Variants in IGSF3 observed in about 807,000 individuals in gnomAD.
IGSF3 encodes the protein immunoglobulin superfamily member 3.
A neutral mutation model predicts 114.4 loss-of-function variants in IGSF3; 23 were observed. The observed-to-expected ratio is 0.20, with a 90% CI of 0.14 to 0.28. IGSF3 has a LOEUF of 0.28. Among genes scored for constraint, IGSF3 ranks in the 10% least tolerant of loss-of-function variants. IGSF3 has a pLI of 1.00. For synonymous variants in IGSF3, 571 were observed against 645.2 expected (o/e 0.88, Z 1.74); for missense variants, 1,172 against 1,591.5 (o/e 0.74, Z 4.48).
rs570818692 is a variant in IGSF3 at position 116,600,253 on chromosome 1, G to A, written c.1717C>T (p.Pro573Ser). ...GTCACCGACACGGGGACCCAGGCAG[G>A]GTAGTGGGGTTTGATGATACACTGC... ...DLQCIIKPHY[P>S]AWVPVSVTWR... is the part of the protein sequence containing the mutation. The change falls in exon 7 of 11, where the codon CCT (proline) becomes TCT (serine). Residue 573 changes from proline to serine, a missense_variant. Around this residue, in one of 3 missense-constraint regions of IGSF3, gnomAD observed 736 missense variants for 1,042.0 expected, o/e 0.71. Transcript: ENST00000369486. This position sits in a 1 kb window ranked among gnomAD's most constrained non-coding sequence, Gnocchi z 5.5. The A allele has an allele frequency of 2.0e-5, 32 of 1,614,174 alleles. No individual in the cohort carries two copies. The South Asian group carries it at 3.5e-4, about 18-fold the overall frequency.
intron 2 of IGSF3, chr1:116,617,196 C>A (rs1205643579): frequency 1.5e-6 from 1 of 676,998 alleles, no homozygotes; most frequent in African/African-American, 2.0e-5. Context: ...TCAGGCTACC[C>A]TTGAGTTTCC....
rs1240826587 is a variant in IGSF3, at chr1:116,661,275, A to G, written c.43+5009T>C. Among the ~76,000 whole-genome samples, 1 of 152,014 alleles carries G rather than the reference A, an allele frequency of 6.6e-6. No homozygotes were observed. Among genetic ancestry groups the G allele is most frequent in the Non-Finnish European group, 1.5e-5 (1 of 68,036 alleles). On this transcript the variant is annotated intron_variant, in intron 2 of 10. Coordinates refer to ENST00000369486, the MANE Select transcript of IGSF3 (RefSeq NM_001007237.3). The surrounding 1 kb of genome is among the most constrained non-coding windows in gnomAD (Gnocchi z 4.0). ...GCCACTGCACTCCAGCCTGAGCAAC[A>G]GTGTGAGACTCCATCTCAAAAAAAA...
intron 2 of IGSF3, among the ~76,000 whole-genome samples, chr1:116,652,007 C>T (rs1018652868): frequency 6.6e-6 from 1 of 152,166 alleles, no homozygotes; most frequent in African/African-American, 2.4e-5. Flanking sequence ...AGTGTTACAA[C>T]AGACAATTGC....
rs1659382522 is a variant in IGSF3, at chr1:116,577,194, G to C, written c.*118C>G. 1.7e-6 allele frequency: 2 copies of C among 1,166,860 alleles called. No homozygotes were observed. The highest frequency in any genetic ancestry group is 2.4e-6 in the Non-Finnish European group (2 of 836,396). The allele number at this position is 1,166,860 out of a possible 1,614,324, so 72.3% of individuals were successfully genotyped here. ...ACTGGGAACTTGGAACACTTTTCAA[G>C]TCTGACAACTTTCCACACACATGCA... is the stretch of plus-strand genomic sequence containing the variant. On this transcript the variant is annotated 3_prime_UTR_variant, in exon 11 of 11. Coordinates refer to ENST00000369486, the MANE Select transcript of IGSF3 (RefSeq NM_001007237.3). The surrounding 1 kb of genome is among the most constrained non-coding windows in gnomAD (Gnocchi z 5.7).
rs1649118698 is a variant in IGSF3 at position 116,661,556 on chromosome 1, C to T, written c.43+4728G>A. On this transcript the variant is annotated intron_variant, in intron 2 of 10. Transcript: ENST00000369486. The surrounding 1 kb of genome is among the most constrained non-coding windows in gnomAD (Gnocchi z 4.0). ...CAAACGTTGGTTCATCTAACTCATG[C>T]CTTCCTAACAAGCCTTCTTAGAAGC... Among the ~76,000 whole-genome samples, 1 of 152,210 alleles carries T rather than the reference C, an allele frequency of 6.6e-6. No individual in the cohort carries two copies. The highest frequency in any genetic ancestry group is 1.5e-5 in the Non-Finnish European group (1 of 68,036).
rs1486676520 is a variant in IGSF3 at position 116,662,074 on chromosome 1, C to A, written c.43+4210G>T. Among the ~76,000 whole-genome samples the A allele has an allele frequency of 6.6e-6, 1 of 151,724 alleles. No individual in the cohort carries two copies. Among genetic ancestry groups the A allele is most frequent in the Non-Finnish European group, 1.5e-5 (1 of 67,924 alleles). On this transcript the variant is annotated intron_variant, in intron 2 of 10. Transcript: ENST00000369486. This position sits in a 1 kb window ranked among gnomAD's most constrained non-coding sequence, Gnocchi z 4.3. ...TCAGCAATCTATCTTAGGCAAGTGACTCTTTTTTTTTTTTTGAGACAGAGT... is the reference window on the plus strand; with the variant it reads ...TCAGCAATCTATCTTAGGCAAGTGAATCTTTTTTTTTTTTTGAGACAGAGT...
Position 116,624,959 on chromosome 1 carries a change from C to A in IGSF3, c.44-8502G>T, listed in dbSNP as rs182143611. On this transcript the variant is annotated intron_variant, in intron 2 of 10. Coordinates refer to ENST00000369486, the MANE Select transcript of IGSF3 (RefSeq NM_001007237.3). The surrounding 1 kb of genome is among the most constrained non-coding windows in gnomAD (Gnocchi z 4.9). ...ACCTGCCACCATGTGAGTGAACAAG[C>A]CTCCACTGTGAGCTGCCCCCAGCCT... Among the ~76,000 whole-genome samples the A allele has an allele frequency of 4.9e-4, 74 of 152,344 alleles. 1 individual carries two copies. Among genetic ancestry groups the A allele is most frequent in the African/African-American group, 1.7e-3 (69 of 41,578 alleles).
In IGSF3 at chr1:116,592,842, G is replaced by A. The variant is rs1398220285; in HGVS notation, c.2030-3738C>T. Reference sequence around the variant, plus strand: ...TCATTGTTAAACTAATCAATGAATGGTTGAATAAATGTGGTTACTTTTCAA... The same window carrying A: ...TCATTGTTAAACTAATCAATGAATGATTGAATAAATGTGGTTACTTTTCAA... On this transcript the variant is annotated intron_variant, in intron 7 of 10. Transcript: ENST00000369486. This position sits in a 1 kb window ranked among gnomAD's most constrained non-coding sequence, Gnocchi z 4.5. Among the ~76,000 whole-genome samples, 1 of 152,190 alleles carries A rather than the reference G, an allele frequency of 6.6e-6. No homozygotes were observed. Among genetic ancestry groups the A allele is most frequent in the African/African-American group, 2.4e-5 (1 of 41,436 alleles).
intron 5 of IGSF3, among the ~76,000 whole-genome samples, chr1:116,604,974 A>T (rs1165421538): frequency 6.6e-6 from 1 of 152,208 alleles, no homozygotes; most frequent in Non-Finnish European, 1.5e-5. Flanking sequence ...TAGGTTTTCA[A>T]AAACTGGTCA....
At chr1:116,617,199 G>C (rs1661255178) in intron 2 of IGSF3, 1 of 701,002 alleles carries the variant, frequency 1.4e-6, no homozygotes, top group Non-Finnish European at 1.8e-6. Flanking sequence ...GGCTACCCTT[G>C]AGTTTCCCAC....
chr1:116,639,922 T>G (rs545896117), intron 2 of IGSF3, among the ~76,000 whole-genome samples: 1 of 151,240 alleles, frequency 6.6e-6, no homozygotes, highest in Non-Finnish European at 1.5e-5. Flanking sequence ...TAACCCCAGC[T>G]ACTCAGGAGG....
rs989300899 is a variant in IGSF3, at chr1:116,583,521, C to G, written c.2848+1124G>C. Among the ~76,000 whole-genome samples, 1 of 152,168 alleles carries G rather than the reference C, an allele frequency of 6.6e-6. No individual in the cohort carries two copies. The highest frequency in any genetic ancestry group is 2.4e-5 in the African/African-American group (1 of 41,438). On this transcript the variant is annotated intron_variant, in intron 9 of 10. Coordinates refer to ENST00000369486, the MANE Select transcript of IGSF3 (RefSeq NM_001007237.3). The surrounding 1 kb of genome is among the most constrained non-coding windows in gnomAD (Gnocchi z 4.5). ...ATGACATAAGAGACCTGGCACCACC[C>G]TGGAGATGCAATATTCCACCAACGA...
Position 116,641,173 on chromosome 1 carries a change from C to T in IGSF3, c.44-24716G>A, listed in dbSNP as rs575825934. On this transcript the variant is annotated intron_variant, in intron 2 of 10. Coordinates refer to ENST00000369486, the MANE Select transcript of IGSF3 (RefSeq NM_001007237.3). Reference sequence around the variant, plus strand: ...GTTAATTATCCTGTTCTCTCCACTTCGGTACATATTTGAAACTTTTCACAA... The same window carrying T: ...GTTAATTATCCTGTTCTCTCCACTTTGGTACATATTTGAAACTTTTCACAA... 8.6e-4 allele frequency among the ~76,000 whole-genome samples: 131 copies of T among 152,158 alleles called. No homozygotes were observed. The South Asian group carries it at 0.012, about 14-fold the overall frequency.
rs1279387258 is a variant in IGSF3 at position 116,665,268 on chromosome 1, C to T, written c.43+1016G>A. On this transcript the variant is annotated intron_variant, in intron 2 of 10. Transcript: ENST00000369486. The surrounding 1 kb of genome is among the most constrained non-coding windows in gnomAD (Gnocchi z 4.0). ...GCAATCTCCACTGCCAACAGATCAC[C>T]CTAAGTTCCCTACGTGCAAGACACC... Among the ~76,000 whole-genome samples the T allele has an allele frequency of 1.3e-5, 2 of 152,114 alleles. No homozygotes were observed. Among genetic ancestry groups the T allele is most frequent in the Admixed American group, 1.3e-4 (2 of 15,270 alleles).
chr1:116,658,846 C>G (rs1648991515), intron 2 of IGSF3, among the ~76,000 whole-genome samples: 1 of 152,206 alleles, frequency 6.6e-6, no homozygotes, highest in Non-Finnish European at 1.5e-5. Context: ...CACATCCTGT[C>G]AGTGTCCTCC....
At position 116,594,225 on chromosome 1, in the gene IGSF3, TA is replaced by T. The variant is rs1660245188; in HGVS notation, c.2030-5122del. 1.3e-5 allele frequency among the ~76,000 whole-genome samples: 2 copies of T among 152,190 alleles called. No homozygotes were observed. Among genetic ancestry groups the T allele is most frequent in the Admixed American group, 1.3e-4 (2 of 15,278 alleles). ...TTGACTGTGACTGTGCCTCCTAGCA[TA>T]GCTGTCCTGAGCATTTACGCACTGA... On this transcript the variant is annotated intron_variant, in intron 7 of 10. Coordinates refer to ENST00000369486, the MANE Select transcript of IGSF3 (RefSeq NM_001007237.3). The surrounding 1 kb of genome is among the most constrained non-coding windows in gnomAD (Gnocchi z 5.2).
Position 116,593,080 on chromosome 1 carries a change from C to T in IGSF3, c.2030-3976G>A, listed in dbSNP as rs1284592351. On this transcript the variant is annotated intron_variant, in intron 7 of 10. Coordinates refer to ENST00000369486, the MANE Select transcript of IGSF3 (RefSeq NM_001007237.3). The surrounding 1 kb of genome is among the most constrained non-coding windows in gnomAD (Gnocchi z 4.5). ...TGGATGAGGTTAGAAAGGTAAGCTT[C>T]GGCCACACTGCAAGGGGCCTGCAGC... Among the ~76,000 whole-genome samples, 6 of 152,160 alleles carry T rather than the reference C, an allele frequency of 3.9e-5. No individual in the cohort carries two copies. Among genetic ancestry groups the T allele is most frequent in the South Asian group, 4.1e-4 (2 of 4,830 alleles).
chr1:116,588,316 G>C lies in IGSF3; in HGVS notation c.2440+378C>G, dbSNP rs529606210. Reference sequence around the variant, plus strand: ...AAACCAGAAAATGCCTTCTAGGTAGGAACTCTGGGTGTGGAGCTGGTGTCA... The same window carrying C: ...AAACCAGAAAATGCCTTCTAGGTAGCAACTCTGGGTGTGGAGCTGGTGTCA... On this transcript the variant is annotated intron_variant, in intron 8 of 10. Transcript: ENST00000369486. The surrounding 1 kb of genome is among the most constrained non-coding windows in gnomAD (Gnocchi z 4.9). Among the ~76,000 whole-genome samples the C allele has an allele frequency of 6.6e-6, 1 of 152,296 alleles. No individual in the cohort carries two copies. The highest frequency in any genetic ancestry group is 2.1e-4 in the South Asian group (1 of 4,812).
chr1:116,613,778 G>A lies in IGSF3; in HGVS notation c.819C>T (p.Asn273=), dbSNP rs147777098. 1.2e-5 allele frequency: 20 copies of A among 1,613,346 alleles called. No individual in the cohort carries two copies. The highest frequency in any genetic ancestry group is 5.5e-5 in the South Asian group (5 of 91,076). The change falls in exon 4 of 11, where the codon AAC becomes AAT. Residue 273 remains asparagine, a synonymous_variant. Coordinates refer to ENST00000369486, the MANE Select transcript of IGSF3 (RefSeq NM_001007237.3). ...AGAGGGACTGACCAGTTGGCTGGAC[G>A]TTGACCACGGCTCCCTCGGAACGCT... ...TRKRSEGAVV[N]VQPTDKEFTV...
Sources: allele counts gnomAD v4.1 joint callset (sites outside exome capture counted in the v4.1 genomes callset), GRCh38; gene constraint gnomAD v4.1.1; regional missense constraint gnomAD v4.1.1; non-coding constraint Gnocchi (gnomAD v3.1); transcripts MANE v1.5; gene names NCBI Gene and HGNC (gene_info 2026-07-23, HGNC 2026-07-21).